ACTN4: variants seen among roughly 807,000 people sequenced by gnomAD.
ACTN4 encodes the protein actinin alpha 4, also known as alpha-actinin-4.
A neutral mutation model predicts 114.2 loss-of-function variants in ACTN4; 18 were observed. The observed-to-expected ratio is 0.16, with a 90% confidence interval of 0.11 to 0.23. The LOEUF is 0.23. Among genes scored for constraint, ACTN4 ranks in the 10% least tolerant of loss-of-function variants. ACTN4 has a pLI of 1.00. For missense variants in ACTN4, 722 were observed against 1,262.9 expected, an observed-to-expected ratio of 0.57 and a Z score of 6.49; for synonymous variants, 515 against 506.3, an observed-to-expected ratio of 1.02 and a Z score of -0.23.
chr19:38,730,938 CCACCCTGTCCCTCCCACCTGGCT>C lies in ACTN4; in HGVS notation c.*1511_*1533del. On this transcript the variant is annotated 3_prime_UTR_variant, in exon 21 of 21. Coordinates refer to ENST00000252699, the MANE Select transcript of ACTN4 (RefSeq NM_004924.6). ...GGGAGCTCGCAGGACAGAGCCTGAG[CCACCCTGTCCCTCCCACCTGGCT>C]CACCTGTCTGTGGGTCAGGCAGATG... 1 of 1,550,474 alleles carries C rather than the reference CCACCCTGTCCCTCCCACCTGGCT, an allele frequency of 6.4e-7. No individual in the cohort carries two copies. The highest frequency in any genetic ancestry group is 8.7e-7 in the Non-Finnish European group (1 of 1,147,014).
At chr19:38,726,714 C>T (rs953856012) in intron 17 of ACTN4, among the ~76,000 whole-genome samples, 8 of 152,302 alleles carry the variant, frequency 5.3e-5, no homozygotes, top group Middle Eastern at 3.4e-3. Flanking sequence ...ACAGGGATCC[C>T]GGCACAAGAT....
chr19:38,649,555 G>C (rs1289812719), intron 1 of ACTN4, among the ~76,000 whole-genome samples: 2 of 152,154 alleles, frequency 1.3e-5, no homozygotes, highest in Non-Finnish European at 2.9e-5. Flanking sequence ...GGGATCCGAG[G>C]GTTCCCTGCG....
intron 1 of ACTN4, among the ~76,000 whole-genome samples, chr19:38,684,570 A>G (rs1438465968): frequency 6.6e-6 from 1 of 152,116 alleles, no homozygotes; most frequent in Non-Finnish European, 1.5e-5. Flanking sequence ...CCACCCCTTC[A>G]TGCCAGCCCC....
chr19:38,723,518 C>G, intron 12 of ACTN4, 96 bp from the exon 13 acceptor site: 1 of 883,262 alleles, frequency 1.1e-6, no homozygotes, highest in Non-Finnish European at 1.9e-6. Flanking sequence ...GTTGACTGCC[C>G]CAACACCCTG....
chr19:38,703,886 T>C (rs1250342203), intron 3 of ACTN4, among the ~76,000 whole-genome samples: 1 of 151,902 alleles, frequency 6.6e-6, no homozygotes, highest in East Asian at 1.9e-4. Flanking sequence ...GACCAGCCAG[T>C]TGAGGGTCGC....
chr19:38,659,649 C>G (rs1976820761), intron 1 of ACTN4, among the ~76,000 whole-genome samples: 1 of 152,192 alleles, frequency 6.6e-6, no homozygotes, highest in South Asian at 2.1e-4. Flanking sequence ...CAAAGCAGTT[C>G]TTGCCAAATA....
chr19:38,659,050 T>TTCTTC (rs1361528657), intron 1 of ACTN4, among the ~76,000 whole-genome samples: 11 of 122,758 alleles, frequency 9.0e-5, no homozygotes, highest in Non-Finnish European at 1.8e-4. Context: ...TAACTTTTTT[T>TTCTTC]TCTTCTTTTC....
intron 3 of ACTN4, among the ~76,000 whole-genome samples, chr19:38,702,583 A>C (rs1231114480): frequency 6.6e-6 from 1 of 152,172 alleles, no homozygotes; most frequent in Non-Finnish European, 1.5e-5. Flanking sequence ...CCAGCTCTGC[A>C]GGCCCGGCCC....
chr19:38,711,018 A>C, intron 8 of ACTN4: 1 of 156,344 alleles, frequency 6.4e-6, no homozygotes, highest in Non-Finnish European at 1.4e-5. Context: ...TTAGCAACTG[A>C]CTCCTCCAAC....
intron 8 of ACTN4, 121 bp downstream of exon 8, chr19:38,710,463 GC>G: frequency 9.6e-7 from 1 of 1,037,308 alleles, no homozygotes; most frequent in Middle Eastern, 2.9e-4. Flanking sequence ...CCAACTGGAA[GC>G]CACCCCCAGC....
chr19:38,675,291 T>G (rs1156606161), intron 1 of ACTN4, among the ~76,000 whole-genome samples: 2 of 152,228 alleles, frequency 1.3e-5, no homozygotes, highest in Non-Finnish European at 2.9e-5. Context: ...TTGGTTTTGT[T>G]GCATTTTTGA....
At chr19:38,682,486 G>T (rs1386852969) in intron 1 of ACTN4, among the ~76,000 whole-genome samples, 1 of 152,158 alleles carries the variant, frequency 6.6e-6, no homozygotes, top group African/African-American at 2.4e-5. Flanking sequence ...ACCTGGCCCT[G>T]TAGAGGGGAG....
rs756097316 is a variant in ACTN4 at position 38,731,227 on chromosome 19, G to C, written c.*1795G>C. 1.9e-6 allele frequency: 3 copies of C among 1,611,360 alleles called. No individual in the cohort carries two copies. Among genetic ancestry groups the C allele is most frequent in the Non-Finnish European group, 2.5e-6 (3 of 1,179,160 alleles). On this transcript the variant is annotated 3_prime_UTR_variant, in exon 21 of 21. Coordinates refer to ENST00000252699, the MANE Select transcript of ACTN4 (RefSeq NM_004924.6). ...AGCTGGTTGTTCAGGTGGAAGCCTA[G>C]GGGGAGGCTGCTTCTGAGCCCAGTG... is the stretch of plus-strand genomic sequence containing the variant.
intron 9 of ACTN4, among the ~76,000 whole-genome samples, chr19:38,715,669 A>C (rs1448610303): frequency 6.6e-6 from 1 of 152,230 alleles, no homozygotes; most frequent in East Asian, 1.9e-4. Context: ...TGTTTTAAAA[A>C]GAAACACTAC....
chr19:38,704,873 C>G, intron 3 of ACTN4, 61 bp from the exon 4 acceptor site: 1 of 1,512,092 alleles, frequency 6.6e-7, no homozygotes. Context: ...TCAGGTTGGG[C>G]GGAGGAGCCT....
chr19:38,677,025 T>C (rs1396152622), intron 1 of ACTN4, among the ~76,000 whole-genome samples: 5 of 152,328 alleles, frequency 3.3e-5, no homozygotes, highest in African/African-American at 1.2e-4. Context: ...GCTGCCTCTC[T>C]GCTCCATGCT....
rs201242046 is a variant in ACTN4, at chr19:38,709,372, T to C, written c.652-23T>C. ...CACCCTGCCCTGACGGAGTTCTTGTTGTCCCCACTTGCCTCCTTCTAGGAC... is the reference window on the plus strand; with the variant it reads ...CACCCTGCCCTGACGGAGTTCTTGTCGTCCCCACTTGCCTCCTTCTAGGAC... On this transcript the variant is annotated intron_variant, in intron 6 of 20. Coordinates refer to ENST00000252699, the MANE Select transcript of ACTN4 (RefSeq NM_004924.6). 795 of 1,591,310 alleles carry C rather than the reference T, an allele frequency of 5.0e-4. 2 individuals are homozygous for C. The highest frequency in any genetic ancestry group is 1.1e-3 in the Admixed American group (63 of 59,990).
chr19:38,709,684 G>A (rs1968577326), intron 7 of ACTN4, among the ~76,000 whole-genome samples: 1 of 152,218 alleles, frequency 6.6e-6, no homozygotes, highest in Admixed American at 6.5e-5. Context: ...GCCTGGGCTG[G>A]CCAGATGCCT....
rs967248026 is a variant in ACTN4, at chr19:38,718,272, A to G, written c.1291+198A>G. 8.3e-6 allele frequency: 8 copies of G among 958,184 alleles called. No homozygotes were observed. The Admixed American group carries it at 1.4e-4, about 17-fold the overall frequency. The allele number at this position is 958,184 out of a possible 1,614,324, so 59.4% of individuals were successfully genotyped here. ...CCAGGTTCAGTGGCTCACACCTGTA[A>G]TCCCAGCACTTTGGCAGGCCAAGGC... On this transcript the variant is annotated intron_variant, in intron 11 of 20. Transcript: ENST00000252699.
Sources: gnomAD v4.1 joint callset for allele counts (sites outside exome capture counted in the v4.1 genomes callset) on GRCh38, gnomAD v4.1.1 for gene constraint, MANE v1.5 for transcripts, NCBI Gene and HGNC (gene_info 2026-07-23, HGNC 2026-07-21) for gene names.